Variants in LRRC59 observed in about 807,000 individuals in gnomAD.
LRRC59 encodes the protein leucine rich repeat containing 59, also known as leucine-rich repeat-containing protein 59.
In LRRC59, 18 loss-of-function variants were observed where a neutral mutation model predicts 33.5. That is an observed-to-expected ratio of 0.54 (90% CI 0.37 to 0.80). The LOEUF (loss-of-function observed/expected upper bound fraction) is 0.80. Among genes scored for constraint, LRRC59 ranks in the 30% least tolerant of loss-of-function variants. LRRC59 has a pLI of 0.00. For missense variants in LRRC59, 330 were observed against 391.9 expected, an observed-to-expected ratio of 0.84 and a Z score of 1.33; for synonymous variants, 138 against 160.0, an observed-to-expected ratio of 0.86 and a Z score of 1.04.
intron 5 of LRRC59, among the ~76,000 whole-genome samples, chr17:50,387,272 G>C (rs767956876): frequency 2.0e-5 from 3 of 152,174 alleles, no homozygotes; most frequent in Non-Finnish European, 2.9e-5. Flanking sequence ...AAGAGACTAA[G>C]GGAAAAGGAA....
chr17:50,385,445 C>T (rs1021913169), intron 5 of LRRC59, among the ~76,000 whole-genome samples, 154 bp from the exon 6 acceptor site: 1 of 152,178 alleles, frequency 6.6e-6, no homozygotes, highest in African/African-American at 2.4e-5. Flanking sequence ...CCTTCTGCTC[C>T]TGGAAGTAGC....
Position 50,385,176 on chromosome 17 carries a change from G to C in LRRC59, c.618C>G (p.Leu206=), listed in dbSNP as rs758251033. 1.9e-6 allele frequency: 3 copies of C among 1,614,152 alleles called. No individual in the cohort carries two copies. Among genetic ancestry groups the C allele is most frequent in the Admixed American group, 3.3e-5 (2 of 60,020 alleles). The change falls in exon 6 of 7, where the codon CTC becomes CTG. Residue 206 remains leucine, a synonymous_variant. Coordinates refer to ENST00000225972, the MANE Select transcript of LRRC59 (RefSeq NM_018509.4). ...TCTCCTGCTCCCGCTTGGCTGCTTTGAGGGCATCATACTCCTTTCTCCGGC... is the reference window on the plus strand; with the variant it reads ...TCTCCTGCTCCCGCTTGGCTGCTTTCAGGGCATCATACTCCTTTCTCCGGC... ...KERRRKEYDA[L]KAAKREQEKK... is the part of the protein sequence containing the mutation.
At chr17:50,386,397 C>T (rs1025868112) in intron 5 of LRRC59, among the ~76,000 whole-genome samples, 2 of 152,214 alleles carry the variant, frequency 1.3e-5, no homozygotes, top group Admixed American at 1.3e-4. Flanking sequence ...AAATGCATTT[C>T]CAAATTAGTT....
chr17:50,393,555 T>C (rs750474989), intron 2 of LRRC59, among the ~76,000 whole-genome samples: 10 of 152,252 alleles, frequency 6.6e-5, no homozygotes, highest in Non-Finnish European at 1.0e-4. Context: ...AATAACTAAC[T>C]GAACGGGCTG....
At chr17:50,383,361 C>T (rs769184806) in intron 6 of LRRC59, 126 bp from the exon 7 acceptor site, 13 of 1,242,068 alleles carry the variant, frequency 1.0e-5, no homozygotes, top group Non-Finnish European at 1.4e-5. Flanking sequence ...CTCCCCAGGC[C>T]CTGAAGAGAA....
At chr17:50,387,496 T>G (rs1163455715) in intron 5 of LRRC59, among the ~76,000 whole-genome samples, 1 of 152,108 alleles carries the variant, frequency 6.6e-6, no homozygotes, top group Non-Finnish European at 1.5e-5. Context: ...GCATAATTAT[T>G]TATGTTGTAA....
chr17:50,393,522 A>T (rs924388599), intron 2 of LRRC59, among the ~76,000 whole-genome samples: 1 of 152,214 alleles, frequency 6.6e-6, no homozygotes, highest in Non-Finnish European at 1.5e-5. Context: ...TACTTAACAC[A>T]GGTGCTCAAC....
intron 5 of LRRC59, among the ~76,000 whole-genome samples, chr17:50,386,435 A>G (rs1451278285): frequency 6.6e-6 from 1 of 152,258 alleles, no homozygotes; most frequent in Non-Finnish European, 1.5e-5. Context: ...ACATTTTGCC[A>G]AAGCCAGAAT....
intron 6 of LRRC59, among the ~76,000 whole-genome samples, chr17:50,383,906 T>C (rs1325339362): frequency 6.6e-6 from 1 of 151,498 alleles, no homozygotes; most frequent in Non-Finnish European, 1.5e-5. Flanking sequence ...TCCTTATCAC[T>C]ACCCTGTATG....
At chr17:50,386,276 C>T (rs1914001171) in intron 5 of LRRC59, 1 of 152,188 alleles carries the variant, frequency 6.6e-6, no homozygotes, top group African/African-American at 2.4e-5. Context: ...AAAACAAATA[C>T]TTGAACTCAT....
rs913504488 is a variant in LRRC59, at chr17:50,385,294, A to G, written c.503-3T>C. 8.1e-6 allele frequency: 13 copies of G among 1,611,476 alleles called. No homozygotes were observed. The highest frequency in any genetic ancestry group is 1.3e-5 in the African/African-American group (1 of 74,794). ...AGCCTCACGCTTCTTCTCTGCCTCT[A>G]CAACAAAACATACCAAAATTTGACT... On this transcript the variant is annotated splice_region_variant and splice_polypyrimidine_tract_variant and intron_variant, in intron 5 of 6. Transcript: ENST00000225972.
chr17:50,391,363 C>T (rs1366666607), intron 4 of LRRC59, among the ~76,000 whole-genome samples: 2 of 152,208 alleles, frequency 1.3e-5, no homozygotes, highest in African/African-American at 4.8e-5. Flanking sequence ...AAGTATCTTA[C>T]TCTCTTACTC....
chr17:50,392,354 C>T, intron 4 of LRRC59, 44 bp downstream of exon 4: 1 of 1,510,968 alleles, frequency 6.6e-7, no homozygotes, highest in Non-Finnish European at 9.2e-7. Flanking sequence ...GGAGAAATCC[C>T]AGGGAGTGTA....
rs759896688 is a variant in LRRC59, at chr17:50,385,147, T to C, written c.647A>G (p.Lys216Arg). The C allele has an allele frequency of 6.2e-7, 1 of 1,614,116 alleles. No individual in the cohort carries two copies. The highest frequency in any genetic ancestry group is 8.5e-7 in the Non-Finnish European group (1 of 1,180,034). The change falls in exon 6 of 7, where the codon AAA (lysine) becomes AGA (arginine). Residue 216 changes from lysine (K) to arginine (R), a missense_variant. Physicochemically the swap from Lys to Arg is conservative, Grantham distance 26. Transcript: ENST00000225972. Reference protein sequence around the residue: ...LKAAKREQEKKPKKEANQAPK... With the variant: ...LKAAKREQEKRPKKEANQAPK... ...GGCCTGATTTGCTTCCTTCTTAGGT[T>C]TCTTCTCCTGCTCCCGCTTGGCTGC...
intron 6 of LRRC59, among the ~76,000 whole-genome samples, chr17:50,384,106 CAGCATGTGG>C (rs1913943479): frequency 6.6e-6 from 1 of 151,738 alleles, no homozygotes; most frequent in African/African-American, 2.4e-5. Context: ...TGATCCTCTG[CAGCATGTGG>C]AGCCACGTCA....
At position 50,392,832 on chromosome 17, in the gene LRRC59, C is replaced by A; in HGVS notation, c.231G>T (p.Leu77=). 6.2e-7 allele frequency: 1 copy of A among 1,614,098 alleles called. No homozygotes were observed. Among genetic ancestry groups the A allele is most frequent in the Non-Finnish European group, 8.5e-7 (1 of 1,179,964 alleles). ...TGACCAGACGGCCAAAGTCTGCTGG[C>A]AGCTGCTGCAGCTTGTTCTTACTCA... is the stretch of plus-strand genomic sequence containing the variant. ...LDLSKNKLQQ[L]PADFGRLVNL... Residue 77 remains leucine (L), a synonymous_variant, in exon 3 of 7, where the codon CTG becomes CTT. Transcript: ENST00000225972.
intron 4 of LRRC59, among the ~76,000 whole-genome samples, chr17:50,388,910 C>T (rs1431428328): frequency 6.6e-6 from 1 of 152,154 alleles, no homozygotes; most frequent in Non-Finnish European, 1.5e-5. Context: ...ATGGCAGATT[C>T]CTTAATGGCA....
chr17:50,393,033 G>A lies in LRRC59; in HGVS notation c.166-136C>T. 5.1e-6 allele frequency: 4 copies of A among 783,742 alleles called. No homozygotes were observed. In the South Asian group the frequency reaches 7.3e-5, roughly 14 times the overall value. 48.5% of individuals were successfully genotyped at this position (783,742 alleles called of 1,614,324 possible). A position where few individuals can be genotyped will look rare whatever the true frequency, so the allele number is the denominator to read the frequency against. On this transcript the variant is annotated intron_variant, in intron 2 of 6. Transcript: ENST00000225972. Reference sequence around the variant, plus strand: ...TTTTTTCCTTTTTCAGCTCATCAGTGTATTTCATGTGTAGCCCAAGACAAC... The same window carrying A: ...TTTTTTCCTTTTTCAGCTCATCAGTATATTTCATGTGTAGCCCAAGACAAC...
intron 4 of LRRC59, among the ~76,000 whole-genome samples, chr17:50,390,767 C>A (rs964824438): frequency 6.6e-6 from 1 of 152,214 alleles, no homozygotes; most frequent in African/African-American, 2.4e-5. Flanking sequence ...TGCAGACAGA[C>A]GACCTGATTC....
Sources: gnomAD v4.1 joint callset for allele counts (sites outside exome capture counted in the v4.1 genomes callset) on GRCh38, gnomAD v4.1.1 for gene constraint, MANE v1.5 for transcripts, NCBI Gene and HGNC (gene_info 2026-07-23, HGNC 2026-07-21) for gene names.